ZC3H12B: variants seen among roughly 807,000 people sequenced by gnomAD.
The protein encoded by ZC3H12B is zinc finger CCCH-type containing 12B, also known as probable ribonuclease ZC3H12B.
ZC3H12B carries 7 observed loss-of-function variants against 43.9 expected under a neutral mutation model. That is an observed-to-expected ratio of 0.16 (90% CI 0.09 to 0.30). The LOEUF is 0.30. Ranked by LOEUF, ZC3H12B falls within the 10% of genes least tolerant of loss-of-function variation. The pLI, the probability that ZC3H12B is intolerant of heterozygous loss-of-function variation, is 1.00. For missense variants in ZC3H12B, 475 were observed against 670.2 expected, an observed-to-expected ratio of 0.71 and a Z score of 3.22; for synonymous variants, 222 against 241.7, an observed-to-expected ratio of 0.92 and a Z score of 0.76.
At chrX:65,229,114 C>G in the ZC3H12B span, among the ~76,000 whole-genome samples, 1 of 110,215 alleles carries the variant, frequency 9.1e-6, no homozygotes, top group African/African-American at 3.3e-5. Context: ...GGAGGCATCA[C>G]ACTACCTGAC....
At chrX:65,052,612 C>A in the ZC3H12B span, among the ~76,000 whole-genome samples, 15 of 111,196 alleles carry the variant, frequency 1.3e-4, no homozygotes, top group African/African-American at 4.6e-4. Flanking sequence ...GACTGAATTT[C>A]ATTCTTTTTT....
the ZC3H12B span, among the ~76,000 whole-genome samples, chrX:65,069,588 T>G: frequency 8.9e-6 from 1 of 111,757 alleles, no homozygotes; most frequent in Admixed American, 9.5e-5. Flanking sequence ...GCCCTGGGGC[T>G]CTGAAGTCAA....
chrX:65,151,532 T>G, the ZC3H12B span, among the ~76,000 whole-genome samples: 6 of 112,166 alleles, frequency 5.3e-5, no homozygotes, highest in Non-Finnish European at 1.1e-4. Context: ...TTTGAATTTT[T>G]AATTACTCAG....
chrX:65,408,526 G>C (rs919783481), intron 3 of ZC3H12B: 24 of 1,204,255 alleles, frequency 2.0e-5, no homozygotes, highest in Non-Finnish European at 2.6e-5. Flanking sequence ...CTCACCCTTC[G>C]GGACTTCAGC....
At chrX:65,347,534 A>T in the ZC3H12B span, among the ~76,000 whole-genome samples, 1 of 112,251 alleles carries the variant, frequency 8.9e-6, no homozygotes, top group Non-Finnish European at 1.9e-5. Context: ...AACCACAATG[A>T]GATACCATCT....
the ZC3H12B span, among the ~76,000 whole-genome samples, chrX:65,279,550 C>T: frequency 5.4e-5 from 6 of 111,153 alleles, 1 homozygote; most frequent in South Asian, 2.3e-3. Flanking sequence ...CCATCCTTAA[C>T]ACCATATACA....
intron 3 of ZC3H12B, among the ~76,000 whole-genome samples, chrX:65,448,895 A>G (rs1401934564): frequency 1.0e-5 from 1 of 99,829 alleles, no homozygotes; most frequent in African/African-American, 4.0e-5. Flanking sequence ...TAAAGAAAGA[A>G]AGAGAGAGAG....
intron 2 of ZC3H12B, among the ~76,000 whole-genome samples, chrX:65,391,557 C>A: frequency 9.0e-6 from 1 of 111,245 alleles, no homozygotes; most frequent in Non-Finnish European, 1.9e-5. Context: ...GGATATGGGG[C>A]CCAACAGGAT....
At chrX:65,256,077 C>A in the ZC3H12B span, among the ~76,000 whole-genome samples, 2 of 111,872 alleles carry the variant, frequency 1.8e-5, no homozygotes, top group African/African-American at 6.5e-5. Context: ...CATAACCACA[C>A]AATAATAGCA....
chrX:65,350,738 AATAC>A, the ZC3H12B span, among the ~76,000 whole-genome samples: 2 of 111,724 alleles, frequency 1.8e-5, no homozygotes, highest in African/African-American at 6.5e-5. Context: ...AAGAATATAA[AATAC>A]ATAGGAATAC....
chrX:65,220,235 C>T, the ZC3H12B span, among the ~76,000 whole-genome samples: 8 of 111,235 alleles, frequency 7.2e-5, no homozygotes, highest in African/African-American at 2.3e-4. Context: ...CAAAATACAC[C>T]AAAACAGAAT....
the ZC3H12B span, among the ~76,000 whole-genome samples, chrX:65,111,794 G>A: frequency 2.7e-5 from 3 of 110,503 alleles, no homozygotes; most frequent in Non-Finnish European, 3.8e-5. Context: ...CAATAAATGT[G>A]TGTGTTCTGA....
intron 2 of ZC3H12B, among the ~76,000 whole-genome samples, chrX:65,373,962 G>GTATATATAGTATATATATATACTATA (rs2066295453): frequency 1.3e-3 from 8 of 6,359 alleles, no homozygotes; most frequent in Non-Finnish European, 8.5e-3. Context: ...TATATATACT[G>GTATATATAGTATATATATATACTATA]TATATATAGT....
chrX:65,416,014 A>G (rs906946530), intron 3 of ZC3H12B, among the ~76,000 whole-genome samples: 6 of 112,050 alleles, frequency 5.4e-5, no homozygotes, highest in African/African-American at 1.6e-4. Flanking sequence ...TGATGAAAAT[A>G]TTTCTAAAAT....
chrX:65,446,842 T>C (rs1425968767), intron 3 of ZC3H12B, among the ~76,000 whole-genome samples: 1 of 112,187 alleles, frequency 8.9e-6, no homozygotes, highest in Non-Finnish European at 1.9e-5. Flanking sequence ...TTGGAGGTTC[T>C]TATGAAAGTG....
the ZC3H12B span, among the ~76,000 whole-genome samples, chrX:65,060,282 T>G: frequency 2.7e-5 from 3 of 112,226 alleles, no homozygotes; most frequent in African/African-American, 9.7e-5. Flanking sequence ...GTATCCCTGT[T>G]GTGTTCCAGA....
the ZC3H12B span, among the ~76,000 whole-genome samples, chrX:65,038,463 T>A: frequency 9.0e-6 from 1 of 111,665 alleles, no homozygotes; most frequent in African/African-American, 3.2e-5. Context: ...TTGCTGGAAA[T>A]TAACCAGTTA....
At chrX:65,221,894 GA>G in the ZC3H12B span, among the ~76,000 whole-genome samples, 1,380 of 104,305 alleles carry the variant, frequency 0.013, 14 homozygotes, top group Non-Finnish European at 0.02. Flanking sequence ...CATAACAAAA[GA>G]AAAAAAAAAT....
At chrX:65,198,193 C>T in the ZC3H12B span, among the ~76,000 whole-genome samples, 1 of 111,933 alleles carries the variant, frequency 8.9e-6, no homozygotes, top group African/African-American at 3.2e-5. Context: ...AATTATCCTA[C>T]GATGCCCAGA....
Sources: gnomAD v4.1 joint callset for allele counts (sites outside exome capture counted in the v4.1 genomes callset) on GRCh38, gnomAD v4.1.1 for gene constraint, MANE v1.5 for transcripts, NCBI Gene and HGNC (gene_info 2026-07-23, HGNC 2026-07-21) for gene names.